The following LRRC37A2 variants were observed in gnomAD, a reference collection of about 807,000 sequenced individuals.
LRRC37A2 encodes leucine-rich repeat-containing protein 37A2.
LRRC37A2 carries 9 observed loss-of-function variants against 68.8 expected under a neutral mutation model. That is an observed-to-expected ratio of 0.13 (90% CI 0.08 to 0.23). The LOEUF (loss-of-function observed/expected upper bound fraction) is 0.23, where lower values mean the gene tolerates loss of function less well. LRRC37A2 is among the 10% of genes least tolerant of loss of function. The probability of loss-of-function intolerance (pLI) is 1.00; values close to 1 mark genes in which losing one functional copy is unlikely to be tolerated. For missense variants in LRRC37A2, 168 were observed against 950.4 expected (o/e 0.18, Z 10.82); for synonymous variants, 63 against 367.6 (o/e 0.17, Z 9.48).
chr17:46,791,070 A>G, the LRRC37A2 span, among the ~76,000 whole-genome samples: 1 of 152,000 alleles, frequency 6.6e-6, no homozygotes, highest in Non-Finnish European at 1.5e-5. Flanking sequence ...AGTAGGTGGA[A>G]GTTCTGTCTG....
chr17:46,977,850 A>G, the LRRC37A2 span, among the ~76,000 whole-genome samples: 5 of 152,346 alleles, frequency 3.3e-5, no homozygotes, highest in African/African-American at 1.2e-4. Flanking sequence ...TTCGTTTTGG[A>G]CACAGCTGAC....
At chr17:46,729,644 G>A in the LRRC37A2 span, among the ~76,000 whole-genome samples, 1 of 152,122 alleles carries the variant, frequency 6.6e-6, no homozygotes, top group Non-Finnish European at 1.5e-5. Flanking sequence ...CTTGAAAAAT[G>A]CCAATCAAAG....
At chr17:46,720,115 A>T in the LRRC37A2 span, among the ~76,000 whole-genome samples, 1 of 152,186 alleles carries the variant, frequency 6.6e-6, no homozygotes, top group African/African-American at 2.4e-5. Context: ...TGGAAATTGG[A>T]TCTTTTGACA....
chr17:46,932,645 A>T, the LRRC37A2 span: 1 of 281,398 alleles, frequency 3.6e-6, no homozygotes, highest in Admixed American at 4.8e-5. Flanking sequence ...TTTTGCCCCT[A>T]GTCTGAGCAG....
chr17:47,018,778 T>A, the LRRC37A2 span: 1 of 1,521,222 alleles, frequency 6.6e-7, no homozygotes, highest in Admixed American at 1.7e-5. Context: ...CCTAATGTAG[T>A]TGTAGCTCAA....
chr17:46,735,518 T>C, the LRRC37A2 span, among the ~76,000 whole-genome samples: 1 of 152,076 alleles, frequency 6.6e-6, no homozygotes, highest in Non-Finnish European at 1.5e-5. Flanking sequence ...TCTGGCATTA[T>C]AGCCTTGAAC....
the LRRC37A2 span, among the ~76,000 whole-genome samples, chr17:46,837,041 C>T: frequency 6.6e-6 from 1 of 152,096 alleles, no homozygotes; most frequent in East Asian, 1.9e-4. Flanking sequence ...CTCCCAGGTT[C>T]AAGCAATTCT....
chr17:46,766,520 C>T, the LRRC37A2 span, among the ~76,000 whole-genome samples: 13 of 152,288 alleles, frequency 8.5e-5, no homozygotes, highest in Admixed American at 7.8e-4. Context: ...GCTGGATTCA[C>T]CTTCGTCCTC....
At chr17:46,405,033 G>A in the LRRC37A2 span, among the ~76,000 whole-genome samples, 3 of 79,730 alleles carry the variant, frequency 3.8e-5, no homozygotes, top group East Asian at 5.3e-4. Flanking sequence ...TGAAACCCCC[G>A]ACTCTACCAA....
chr17:46,947,087 G>A, the LRRC37A2 span, among the ~76,000 whole-genome samples: 1,085 of 152,244 alleles, frequency 7.1e-3, 7 homozygotes, highest in Non-Finnish European at 0.011. Flanking sequence ...GAGTAGGGAC[G>A]TATTAGGGTG....
chr17:46,601,594 G>C, the LRRC37A2 span, among the ~76,000 whole-genome samples: 1 of 143,724 alleles, frequency 7.0e-6, no homozygotes, highest in South Asian at 2.2e-4. Context: ...TGTATAACCA[G>C]TTGTCTCAAT....
At chr17:46,472,923 A>AGAATAT in the LRRC37A2 span, among the ~76,000 whole-genome samples, 1 of 64,160 alleles carries the variant, frequency 1.6e-5, no homozygotes, top group African/African-American at 5.2e-5. Flanking sequence ...TCAAAAAAAA[A>AGAATAT]ATATATATAT....
chr17:46,974,208 G>A, the LRRC37A2 span, among the ~76,000 whole-genome samples: 1 of 152,258 alleles, frequency 6.6e-6, no homozygotes, highest in Non-Finnish European at 1.5e-5. Flanking sequence ...TACCTGGGGA[G>A]CAAAGCAAGT....
the LRRC37A2 span, among the ~76,000 whole-genome samples, chr17:46,852,992 C>T: frequency 6.6e-6 from 1 of 152,166 alleles, no homozygotes; most frequent in African/African-American, 2.4e-5. Context: ...GGGAAGACCA[C>T]TCAGTCTCTG....
chr17:46,697,057 T>C, the LRRC37A2 span, among the ~76,000 whole-genome samples: 1 of 132,838 alleles, frequency 7.5e-6, no homozygotes, highest in Non-Finnish European at 1.6e-5. Context: ...AAGCCTATTT[T>C]AGTGCTTTTA....
the LRRC37A2 span, among the ~76,000 whole-genome samples, chr17:46,852,456 G>A: frequency 3.4e-5 from 5 of 147,862 alleles, no homozygotes; most frequent in African/African-American, 7.5e-5. Flanking sequence ...GGTTGGAAAA[G>A]GAGGATCACA....
intron 6 of LRRC37A2, among the ~76,000 whole-genome samples, chr17:46,531,478 TGTC>T (rs2053633549): frequency 1.3e-5 from 1 of 78,428 alleles, no homozygotes; most frequent in Non-Finnish European, 2.3e-5. Flanking sequence ...AAAATTGATT[TGTC>T]TTTTTATTGA....
At chr17:46,499,311 C>T in the LRRC37A2 span, among the ~76,000 whole-genome samples, 1 of 60,548 alleles carries the variant, frequency 1.7e-5, no homozygotes, top group Non-Finnish European at 2.7e-5. Context: ...GACTCCAGCT[C>T]AAAAAAAAAA....
chr17:46,499,338 T>TGGG, the LRRC37A2 span, among the ~76,000 whole-genome samples: 26 of 118,820 alleles, frequency 2.2e-4, no homozygotes, highest in African/African-American at 9.1e-4. Context: ...AAAAAAAAGG[T>TGGG]GGGGGGACAA....
Sources: allele counts gnomAD v4.1 joint callset (sites outside exome capture counted in the v4.1 genomes callset), GRCh38; gene constraint gnomAD v4.1.1; transcripts MANE v1.5; gene names NCBI Gene and HGNC (gene_info 2026-07-23, HGNC 2026-07-21).